VTI1A: variants seen among roughly 807,000 people sequenced by gnomAD.
The protein encoded by VTI1A is vesicle transport through interaction with t-SNAREs homolog 1A.
A neutral mutation model predicts 34.9 loss-of-function variants in VTI1A; 22 were observed. That is an observed-to-expected ratio of 0.63 (90% CI 0.45 to 0.90). VTI1A has a LOEUF of 0.90. Among genes scored for constraint, VTI1A ranks in the 40% least tolerant of loss-of-function variants. The pLI is 0.00. For missense variants in VTI1A, 268 were observed against 275.6 expected, an observed-to-expected ratio of 0.97 and a Z score of 0.20; for synonymous variants, 87 against 97.3, an observed-to-expected ratio of 0.89 and a Z score of 0.62.
At chr10:112,645,981 G>C (rs1052954687) in intron 5 of VTI1A, among the ~76,000 whole-genome samples, 13 of 146,136 alleles carry the variant, frequency 8.9e-5, no homozygotes, top group African/African-American at 3.3e-4. Flanking sequence ...CCAATGTAGT[G>C]CCAGGGATGG....
intron 5 of VTI1A, among the ~76,000 whole-genome samples, chr10:112,652,740 T>C (rs371100635): frequency 1.2e-5 from 1 of 83,742 alleles, no homozygotes; most frequent in Non-Finnish European, 2.3e-5. Flanking sequence ...AAAAAAAAAA[T>C]GGAAAGAAGG....
At chr10:112,776,663 G>C (rs77612041) in intron 7 of VTI1A, among the ~76,000 whole-genome samples, 2,589 of 149,356 alleles carry the variant, frequency 0.017, 71 homozygotes, top group African/African-American at 0.059. Context: ...CAAATCTTGA[G>C]TTAGGCTGAC....
intron 3 of VTI1A, among the ~76,000 whole-genome samples, chr10:112,508,035 G>A (rs1258072961): frequency 2.6e-5 from 4 of 151,904 alleles, no homozygotes; most frequent in Admixed American, 2.6e-4. Flanking sequence ...GGCTTCTCCA[G>A]CTTGTATTTG....
chr10:112,796,069 A>G (rs943225513), intron 7 of VTI1A, among the ~76,000 whole-genome samples: 5 of 151,944 alleles, frequency 3.3e-5, no homozygotes, highest in Non-Finnish European at 5.9e-5. Flanking sequence ...TTGAAATCCC[A>G]CTTGGATTGC....
intron 5 of VTI1A, among the ~76,000 whole-genome samples, chr10:112,560,431 C>A (rs1471342555): frequency 6.6e-6 from 1 of 152,024 alleles, no homozygotes; most frequent in Non-Finnish European, 1.5e-5. Context: ...AAGCAGGCTT[C>A]CCCTGAATCT....
At chr10:112,501,590 A>G (rs1037931495) in intron 3 of VTI1A, among the ~76,000 whole-genome samples, 1 of 152,190 alleles carries the variant, frequency 6.6e-6, no homozygotes, top group Non-Finnish European at 1.5e-5. Flanking sequence ...TCATACTTTA[A>G]AAGGACTCTG....
intron 5 of VTI1A, among the ~76,000 whole-genome samples, chr10:112,555,316 A>C (rs533271062): frequency 1.5e-3 from 230 of 152,240 alleles, no homozygotes; most frequent in African/African-American, 5.4e-3. Context: ...ATCATGAAGA[A>C]GCCAAATGCT....
intron 5 of VTI1A, among the ~76,000 whole-genome samples, chr10:112,543,257 T>A (rs920254610): frequency 6.6e-6 from 1 of 152,194 alleles, no homozygotes; most frequent in African/African-American, 2.4e-5. Context: ...CGCCACACTG[T>A]CTTCCACAAT....
chr10:112,843,738 C>T, the VTI1A span, among the ~76,000 whole-genome samples: 2 of 152,108 alleles, frequency 1.3e-5, no homozygotes, highest in African/African-American at 4.8e-5. Flanking sequence ...CTTCACAGTC[C>T]ACACAGTCAC....
At chr10:112,570,903 G>A (rs1852092924) in intron 5 of VTI1A, among the ~76,000 whole-genome samples, 1 of 152,170 alleles carries the variant, frequency 6.6e-6, no homozygotes, top group African/African-American at 2.4e-5. Flanking sequence ...TGTGTGCCTG[G>A]CACCATGTTA....
chr10:112,820,184 A>C (rs541986306), downstream of VTI1A, among the ~76,000 whole-genome samples: 5 of 152,224 alleles, frequency 3.3e-5, no homozygotes. Context: ...TCAATCCAGG[A>C]TAAATTAGCC....
intron 3 of VTI1A, among the ~76,000 whole-genome samples, chr10:112,511,536 C>G (rs1194641689): frequency 6.6e-6 from 1 of 152,174 alleles, no homozygotes; most frequent in Non-Finnish European, 1.5e-5. Context: ...GCCACCGTGC[C>G]TGGCTCATGT....
chr10:112,606,930 T>C (rs1460470887), intron 5 of VTI1A, among the ~76,000 whole-genome samples: 2 of 152,200 alleles, frequency 1.3e-5, no homozygotes, highest in African/African-American at 2.4e-5. Context: ...GCTTTACATA[T>C]GTTATTTCTC....
chr10:112,538,217 A>AT lies in VTI1A; in HGVS notation c.343-20dup, dbSNP rs376037382. On this transcript the variant is annotated intron_variant, in intron 4 of 7. Coordinates refer to ENST00000393077, the MANE Select transcript of VTI1A (RefSeq NM_145206.4). ...AAAGAACATTGTAGACGGCCGTCTG[A>AT]TTTTTTTTTCCCCCTTTTTCTTTTT... 7.3e-4 allele frequency: 1,139 copies of AT among 1,559,572 alleles called. 2 individuals carry two copies. The highest frequency in any genetic ancestry group is 1.3e-3 in the Admixed American group (72 of 57,414).
chr10:112,786,467 C>T (rs892523584), intron 7 of VTI1A, among the ~76,000 whole-genome samples: 6 of 152,146 alleles, frequency 3.9e-5, no homozygotes, highest in African/African-American at 1.4e-4. Flanking sequence ...GCTAGAAGCT[C>T]CAATACAATT....
chr10:112,554,746 A>G (rs1851485277), intron 5 of VTI1A, among the ~76,000 whole-genome samples: 1 of 152,096 alleles, frequency 6.6e-6, no homozygotes, highest in South Asian at 2.1e-4. Flanking sequence ...AGGTTTGGGT[A>G]CTAGTAAATG....
rs57081938 is a variant in VTI1A, at chr10:112,709,682, C to CTTT, written c.560+40710_560+40712dup. Among the ~76,000 whole-genome samples, 31 of 70,284 alleles carry CTTT rather than the reference C, an allele frequency of 4.4e-4. 3 individuals carry two copies. The highest frequency in any genetic ancestry group is 1.4e-3 in the African/African-American group (21 of 15,376). The allele number at this position is 70,284 out of a possible 152,430, so 46.1% of individuals were successfully genotyped here. A position where few individuals can be genotyped will look rare whatever the true frequency, so the allele number is the denominator to read the frequency against. On this transcript the variant is annotated intron_variant, in intron 7 of 7. Coordinates refer to ENST00000393077, the MANE Select transcript of VTI1A (RefSeq NM_145206.4). ...CCCCAACAAGAGGCACTCTATGTGG[C>CTTT]TTTTTTTTTTTTTTTTTTTTTTTTT...
At chr10:112,463,341 C>T (rs1847792160) in intron 2 of VTI1A, among the ~76,000 whole-genome samples, 1 of 152,162 alleles carries the variant, frequency 6.6e-6, no homozygotes, top group Non-Finnish European at 1.5e-5. Context: ...TTTAATCTAG[C>T]AATTATCAAG....
intron 7 of VTI1A, among the ~76,000 whole-genome samples, chr10:112,722,260 ACAGAAAAC>A (rs942318123): frequency 6.6e-6 from 1 of 152,206 alleles, no homozygotes; most frequent in African/African-American, 2.4e-5. Context: ...TATCGCAAGG[ACAGAAAAC>A]CAAACACCAC....
Sources: allele counts gnomAD v4.1 joint callset (sites outside exome capture counted in the v4.1 genomes callset), GRCh38; gene constraint gnomAD v4.1.1; transcripts MANE v1.5; gene names NCBI Gene and HGNC (gene_info 2026-07-23, HGNC 2026-07-21).